The following SGCZ variants were observed in gnomAD, a reference collection of about 807,000 sequenced individuals.
SGCZ encodes the protein sarcoglycan zeta.
SGCZ carries 40 observed loss-of-function variants against 41.3 expected under a neutral mutation model. The ratio of observed to expected loss-of-function variants is 0.97; its 90% CI spans 0.75 to 1.26. The LOEUF is 1.26. Among genes scored for constraint, SGCZ ranks in the 50% most tolerant of loss-of-function variants. SGCZ has a pLI of 0.00. For synonymous variants in SGCZ, 206 were observed against 137.5 expected (o/e 1.50, Z -3.49); for missense variants, 552 against 369.8 (o/e 1.49, Z -4.04).
At chr8:14,475,177 G>T (rs975279728) in intron 2 of SGCZ, among the ~76,000 whole-genome samples, 14 of 152,012 alleles carry the variant, frequency 9.2e-5, no homozygotes, top group African/African-American at 2.9e-4. Context: ...AAAAGCAAAA[G>T]AATTATATTT....
At position 15,137,077 on chromosome 8, in the gene SGCZ, G is replaced by A. The variant is rs553332092; in HGVS notation, c.39+100508C>T. ...GTTGAATGGCTTTGACCAAAATACC[G>A]ATAATGATATGTACAATAAAGTCCA... On this transcript the variant is annotated intron_variant, in intron 1 of 7. Coordinates refer to ENST00000382080, the MANE Select transcript of SGCZ (RefSeq NM_139167.4). 3.9e-5 allele frequency among the ~76,000 whole-genome samples: 6 copies of A among 152,290 alleles called. No homozygotes were observed. The South Asian group carries it at 1.0e-3, about 26-fold the overall frequency.
At chr8:14,160,394 T>G (rs1474068174) in intron 5 of SGCZ, among the ~76,000 whole-genome samples, 1 of 151,062 alleles carries the variant, frequency 6.6e-6, no homozygotes, top group African/African-American at 2.5e-5. Context: ...GTGTAAAGGT[T>G]TATTCCTTTT....
intron 2 of SGCZ, among the ~76,000 whole-genome samples, chr8:14,327,211 C>A (rs1292115944): frequency 1.3e-5 from 2 of 152,094 alleles, no homozygotes; most frequent in Admixed American, 6.6e-5. Flanking sequence ...ATTTGGAGAT[C>A]TTGAAGTTCA....
chr8:14,201,268 A>T (rs1463651217), intron 4 of SGCZ, among the ~76,000 whole-genome samples: 1 of 152,152 alleles, frequency 6.6e-6, no homozygotes, highest in Non-Finnish European at 1.5e-5. Flanking sequence ...ATCCCTCCCC[A>T]GGTATTTATG....
Position 14,901,209 on chromosome 8 carries a change from T to C in SGCZ, c.39+336376A>G, listed in dbSNP as rs182439969. The stretch of plus-strand genomic sequence containing the variant: ...TGGGAGACTCTTCTATTATCCTTAA[T>C]GAACCCTAAATTAGGTGAGCACACT... On this transcript the variant is annotated intron_variant, in intron 1 of 7. Transcript: ENST00000382080. Among the ~76,000 whole-genome samples the C allele has an allele frequency of 9.8e-5, 15 of 152,308 alleles. No individual in the cohort carries two copies. In the East Asian group the frequency reaches 2.7e-3, roughly 27 times the overall value.
At chr8:15,202,939 T>C (rs1034488192) in intron 1 of SGCZ, among the ~76,000 whole-genome samples, 1 of 151,972 alleles carries the variant, frequency 6.6e-6, no homozygotes, top group African/African-American at 2.4e-5. Context: ...GGTGAAACCC[T>C]GTCTCTACAA....
At chr8:14,297,012 C>A (rs1176491956) in intron 3 of SGCZ, among the ~76,000 whole-genome samples, 1 of 152,072 alleles carries the variant, frequency 6.6e-6, no homozygotes, top group African/African-American at 2.4e-5. Flanking sequence ...ACCTCCTCCT[C>A]CCAGGTTCAA....
At chr8:14,389,081 T>C (rs1458564525) in intron 2 of SGCZ, among the ~76,000 whole-genome samples, 1 of 151,886 alleles carries the variant, frequency 6.6e-6, no homozygotes. Flanking sequence ...ATATGAAAAA[T>C]AGATTCATTC....
intron 1 of SGCZ, among the ~76,000 whole-genome samples, chr8:14,619,379 C>G (rs1321725986): frequency 6.6e-6 from 1 of 152,092 alleles, no homozygotes; most frequent in Non-Finnish European, 1.5e-5. Context: ...AAAACTGGCA[C>G]AAGACACGGA....
At chr8:14,568,479 T>C (rs1296408693) in intron 1 of SGCZ, among the ~76,000 whole-genome samples, 1 of 151,420 alleles carries the variant, frequency 6.6e-6, no homozygotes, top group Non-Finnish European at 1.5e-5. Flanking sequence ...GATGCTTAGT[T>C]GTTCTTGACT....
intron 1 of SGCZ, among the ~76,000 whole-genome samples, chr8:15,162,518 G>C (rs1799540155): frequency 6.6e-6 from 1 of 152,148 alleles, no homozygotes; most frequent in South Asian, 2.1e-4. Flanking sequence ...TTTCCAAAGT[G>C]TTTTGATACT....
chr8:14,538,696 T>A (rs914953256), intron 2 of SGCZ, among the ~76,000 whole-genome samples: 1 of 151,914 alleles, frequency 6.6e-6, no homozygotes, highest in African/African-American at 2.4e-5. Flanking sequence ...TACTGGAGCA[T>A]AAAATCTTGG....
chr8:14,551,482 ATATATATT>A (rs1563404218), intron 2 of SGCZ, among the ~76,000 whole-genome samples: 37 of 2,050 alleles, frequency 0.018, 3 homozygotes, highest in South Asian at 0.071. Flanking sequence ...ATTATATATT[ATATATATT>A]ATATATATTA....
intron 1 of SGCZ, among the ~76,000 whole-genome samples, chr8:14,865,752 C>A (rs926320548): frequency 9.9e-5 from 15 of 152,094 alleles, no homozygotes; most frequent in African/African-American, 2.7e-4. Context: ...GGCTTAGAAC[C>A]TTAGCCTCTT....
intron 1 of SGCZ, among the ~76,000 whole-genome samples, chr8:15,130,296 A>G (rs1386249893): frequency 6.6e-6 from 1 of 152,116 alleles, no homozygotes; most frequent in Admixed American, 6.6e-5. Flanking sequence ...ATATAGGGGG[A>G]AGCCACTTGA....
At chr8:14,520,603 A>C (rs564983307) in intron 2 of SGCZ, among the ~76,000 whole-genome samples, 12 of 152,224 alleles carry the variant, frequency 7.9e-5, no homozygotes, top group African/African-American at 2.2e-4. Flanking sequence ...TATAATAATC[A>C]CTTAACAACA....
intron 1 of SGCZ, among the ~76,000 whole-genome samples, chr8:15,230,779 C>A (rs967430510): frequency 1.3e-5 from 2 of 152,168 alleles, no homozygotes; most frequent in African/African-American, 4.8e-5. Context: ...AACCAAACTT[C>A]CCTTTCACTG....
intron 4 of SGCZ, among the ~76,000 whole-genome samples, chr8:14,224,982 C>T (rs560450299): frequency 6.6e-6 from 1 of 152,272 alleles, no homozygotes; most frequent in South Asian, 2.1e-4. Flanking sequence ...GCCAGTAACC[C>T]TGTGAACTTC....
intron 1 of SGCZ, among the ~76,000 whole-genome samples, chr8:15,094,034 A>T (rs1806244853): frequency 6.6e-6 from 1 of 152,240 alleles, no homozygotes; most frequent in Non-Finnish European, 1.5e-5. Context: ...AAAGGAACCA[A>T]ATTAATTGAA....
Sources: gnomAD v4.1 joint callset for allele counts (sites outside exome capture counted in the v4.1 genomes callset) on GRCh38, gnomAD v4.1.1 for gene constraint, MANE v1.5 for transcripts, NCBI Gene and HGNC (gene_info 2026-07-23, HGNC 2026-07-21) for gene names.